The following RTTN variants were observed in gnomAD, a reference collection of about 807,000 sequenced individuals.
RTTN encodes rotatin.
In RTTN, 182 loss-of-function variants were observed where a neutral mutation model predicts 269.2. That is an observed-to-expected ratio of 0.68 (90% confidence interval 0.60 to 0.76). The LOEUF (loss-of-function observed/expected upper bound fraction) is 0.76, where lower values mean the gene tolerates loss of function less well. Among genes scored for constraint, RTTN ranks in the 30% least tolerant of loss-of-function variants. The pLI is 0.00. For missense variants in RTTN, 2,545 were observed against 2,608.6 expected, an observed-to-expected ratio of 0.98 and a Z score of 0.53; for synonymous variants, 1,006 against 963.5, an observed-to-expected ratio of 1.04 and a Z score of -0.82.
chr18:70,024,888 T>TATGA, intron 43 of RTTN, 40 bp from the exon 44 acceptor site: 1 of 1,593,148 alleles, frequency 6.3e-7, no homozygotes, highest in Non-Finnish European at 8.6e-7. Context: ...AGTCTGAATA[T>TATGA]ATGAAAATAT....
chr18:70,162,002 T>C (rs1218048406), intron 14 of RTTN, among the ~76,000 whole-genome samples: 1 of 152,152 alleles, frequency 6.6e-6, no homozygotes, highest in Non-Finnish European at 1.5e-5. Flanking sequence ...AGCAATCCCT[T>C]ACTGGGTATA....
chr18:70,171,040 T>A (rs968130904), intron 11 of RTTN, among the ~76,000 whole-genome samples: 1 of 152,070 alleles, frequency 6.6e-6, no homozygotes, highest in Non-Finnish European at 1.5e-5. Flanking sequence ...TTGGGACATG[T>A]TCAGTTGGAG....
At chr18:70,044,772 T>C (rs2057446308) in intron 40 of RTTN, among the ~76,000 whole-genome samples, 1 of 152,184 alleles carries the variant, frequency 6.6e-6, no homozygotes, top group Non-Finnish European at 1.5e-5. Flanking sequence ...GCACGTATCA[T>C]ATGCAGCATG....
At chr18:70,066,357 A>G (rs992896548) in intron 34 of RTTN, among the ~76,000 whole-genome samples, 1 of 152,214 alleles carries the variant, frequency 6.6e-6, no homozygotes, top group African/African-American at 2.4e-5. Flanking sequence ...AGAAGTATTA[A>G]AAGATTTTTC....
chr18:70,148,944 G>T lies in RTTN; in HGVS notation c.2266C>A (p.Arg756=). The change falls in exon 17 of 49, where the codon CGA becomes AGA. Residue 756 remains arginine (R), a synonymous_variant. Transcript: ENST00000640769. ...DTEEMLPCTT[R]LKSMLRLLLV... is the part of the protein sequence containing the mutation. The stretch of plus-strand genomic sequence containing the variant: ...AAAAGTCGCAGCATGGACTTTAATC[G>T]GGTAGTACACGGAAGCATCTCTTCT... The T allele has an allele frequency of 6.2e-7, 1 of 1,613,458 alleles. No individual in the cohort carries two copies. Among genetic ancestry groups the T allele is most frequent in the South Asian group, 1.1e-5 (1 of 91,060 alleles).
rs190491579 is a variant in RTTN, at chr18:70,026,547, C to T, written c.5824-1699G>A. On this transcript the variant is annotated intron_variant, in intron 43 of 48. Coordinates refer to ENST00000640769, the MANE Select transcript of RTTN (RefSeq NM_173630.4). ...TTCCTGAGGCCTCCCCAGAAGCAGA[C>T]GCCACTGTGCTTCCTCTATACCCTG... is the stretch of plus-strand genomic sequence containing the variant. Among the ~76,000 whole-genome samples, 13 of 152,228 alleles carry T rather than the reference C, an allele frequency of 8.5e-5. 1 individual carries two copies. The highest frequency in any genetic ancestry group is 2.4e-4 in the African/African-American group (10 of 41,542).
At chr18:70,144,360 C>T (rs967255658) in intron 18 of RTTN, among the ~76,000 whole-genome samples, 8 of 152,148 alleles carry the variant, frequency 5.3e-5, no homozygotes, top group African/African-American at 1.9e-4. Context: ...CCTCTCCATT[C>T]TTTCTTTTAG....
chr18:70,188,109 A>G lies in RTTN; in HGVS notation c.1304T>C (p.Met435Thr). 6.5e-6 allele frequency: 10 copies of G among 1,549,354 alleles called. No individual in the cohort carries two copies. Among genetic ancestry groups the G allele is most frequent in the Non-Finnish European group, 8.0e-6 (9 of 1,122,002 alleles). ...WDDSSLFGID[M>T]KEKLLLVLGA... is the part of the protein sequence containing the mutation. ...CCCAAAGAAAACATTGATTCTTACC[A>G]TATCTATACCAAAAAGGCTGCTGTC... The change falls in exon 10 of 49, where the codon ATG (methionine) becomes ACG (threonine). Residue 435 changes from methionine (M) to threonine (T), a missense_variant and splice_region_variant. Physicochemically the swap from Met to Thr is moderately conservative, Grantham distance 81 (BLOSUM62 -1). Coordinates refer to ENST00000640769, the MANE Select transcript of RTTN (RefSeq NM_173630.4).
chr18:70,139,773 A>G, intron 20 of RTTN, 57 bp from the exon 21 acceptor site: 1 of 999,724 alleles, frequency 1.0e-6, no homozygotes, highest in Non-Finnish European at 1.6e-6. Flanking sequence ...GGTGAGATCA[A>G]ACAGACCATA....
chr18:70,113,697 G>A (rs554123268), intron 27 of RTTN, among the ~76,000 whole-genome samples: 1 of 152,240 alleles, frequency 6.6e-6, no homozygotes, highest in Non-Finnish European at 1.5e-5. Flanking sequence ...TCTATAAATA[G>A]AATATTATTC....
intron 3 of RTTN, 151 bp downstream of exon 3, chr18:70,203,935 G>T: frequency 1.6e-6 from 1 of 639,872 alleles, no homozygotes; most frequent in Non-Finnish European, 2.6e-6. Context: ...AGTAGAGGAG[G>T]GGAAAAAGGT....
intron 34 of RTTN, 25 bp downstream of exon 34, chr18:70,073,879 AAG>A (rs756483606): frequency 6.5e-7 from 1 of 1,538,630 alleles, no homozygotes; most frequent in South Asian, 1.1e-5. Flanking sequence ...ATTCAAAATA[AAG>A]GACTTATGCA....
At chr18:70,169,981 C>G (rs1282621407) in intron 11 of RTTN, among the ~76,000 whole-genome samples, 1 of 152,086 alleles carries the variant, frequency 6.6e-6, no homozygotes, top group Non-Finnish European at 1.5e-5. Flanking sequence ...ACAACGATAC[C>G]TTTAAATGAA....
chr18:70,034,395 A>T (rs954185113), intron 40 of RTTN, among the ~76,000 whole-genome samples: 3 of 152,252 alleles, frequency 2.0e-5, no homozygotes, highest in African/African-American at 7.2e-5. Flanking sequence ...GGTTGGTTCA[A>T]CATACGTGCA....
intron 10 of RTTN, among the ~76,000 whole-genome samples, chr18:70,180,825 C>T (rs944863513): frequency 3.9e-5 from 6 of 152,172 alleles, no homozygotes; most frequent in Non-Finnish European, 8.8e-5. Flanking sequence ...TCTTAGTTTA[C>T]GTGTTATTCC....
intron 25 of RTTN, among the ~76,000 whole-genome samples, chr18:70,126,367 A>T (rs1483110337): frequency 6.6e-6 from 1 of 152,090 alleles, no homozygotes; most frequent in East Asian, 1.9e-4. Context: ...TCAACTGGCG[A>T]GACTGTTTAA....
chr18:70,009,387 T>C (rs1021929261), intron 46 of RTTN, among the ~76,000 whole-genome samples: 1 of 152,154 alleles, frequency 6.6e-6, no homozygotes, highest in Non-Finnish European at 1.5e-5. Flanking sequence ...CCGCCCACCT[T>C]GGCCTCCCAA....
At chr18:70,126,261 C>A (rs1043588120) in intron 25 of RTTN, among the ~76,000 whole-genome samples, 10 of 152,060 alleles carry the variant, frequency 6.6e-5, no homozygotes, top group African/African-American at 2.4e-4. Context: ...AGAAAGAAAA[C>A]TTAGTGCAAT....
At chr18:70,156,687 T>C (rs2060686830) in intron 14 of RTTN, among the ~76,000 whole-genome samples, 1 of 152,118 alleles carries the variant, frequency 6.6e-6, no homozygotes, top group Non-Finnish European at 1.5e-5. Context: ...ACGCCCAGCT[T>C]TAAAATTTCC....
Sources: gnomAD v4.1 joint callset for allele counts (sites outside exome capture counted in the v4.1 genomes callset) on GRCh38, gnomAD v4.1.1 for gene constraint, MANE v1.5 for transcripts, NCBI Gene and HGNC (gene_info 2026-07-23, HGNC 2026-07-21) for gene names.